Variants in DAB1 observed in about 807,000 individuals in gnomAD.
DAB1 encodes the protein DAB adaptor protein 1, also known as disabled homolog 1.
DAB1 carries 15 observed loss-of-function variants against 64.6 expected under a neutral mutation model. The ratio of observed to expected loss-of-function variants is 0.23; its 90% CI spans 0.16 to 0.36. DAB1 has a LOEUF of 0.36. Ranked by LOEUF, DAB1 falls within the 10% of genes least tolerant of loss-of-function variation. The pLI is 1.00. For synonymous variants in DAB1, 235 were observed against 251.9 expected (o/e 0.93, Z 0.64); for missense variants, 596 against 706.7 (o/e 0.84, Z 1.78).
At chr1:58,506,090 T>C in exon 3 of DAB1, 1 of 871,736 alleles carries the variant, frequency 1.1e-6, no homozygotes, top group Non-Finnish European at 2.0e-6. Context: ...AGTACTCAAC[T>C]CGATTGCCAT....
rs1381274494 is a variant in DAB1 at position 58,318,189 on chromosome 1, T to C, written n.309+25163A>G. 2.0e-5 allele frequency among the ~76,000 whole-genome samples: 3 copies of C among 152,200 alleles called. No individual in the cohort carries two copies. The East Asian group carries it at 5.8e-4, about 29-fold the overall frequency. ...TGTGTCCAATTAAGCACCTCCTCAC[T>C]TCTCACCTCATGCTAACCGCACCTC... On this transcript the variant is annotated intron_variant and non_coding_transcript_variant, in intron 4 of 20. Transcript: ENST00000485760.
At chr1:58,448,291 G>A (rs1645093883) in intron 3 of DAB1, among the ~76,000 whole-genome samples, 1 of 152,162 alleles carries the variant, frequency 6.6e-6, no homozygotes. Flanking sequence ...CCAGAAGTTT[G>A]TGATTACTTG....
chr1:58,456,862 T>C (rs191752555), intron 3 of DAB1, among the ~76,000 whole-genome samples: 1 of 152,152 alleles, frequency 6.6e-6, no homozygotes, highest in African/African-American at 2.4e-5. Context: ...TGGTATTTTT[T>C]AAAAACATTC....
intron 4 of DAB1, among the ~76,000 whole-genome samples, chr1:58,281,927 C>T (rs1320736672): frequency 2.0e-5 from 3 of 152,094 alleles, no homozygotes; most frequent in African/African-American, 2.4e-5. Context: ...CCACTACCAC[C>T]GCCATCATCA....
At chr1:57,915,421 T>G (rs1644711672) in intron 5 of DAB1, among the ~76,000 whole-genome samples, 1 of 152,166 alleles carries the variant, frequency 6.6e-6, no homozygotes, top group Non-Finnish European at 1.5e-5. Context: ...GGGCTATTCC[T>G]CCATCATTAC....
chr1:57,584,024 C>T (rs1016726719), intron 7 of DAB1, among the ~76,000 whole-genome samples: 1 of 152,158 alleles, frequency 6.6e-6, no homozygotes, highest in African/African-American at 2.4e-5. Flanking sequence ...CGAACTGCAA[C>T]CTAGCTTAAT....
At chr1:58,301,475 T>C (rs779244777) in intron 4 of DAB1, among the ~76,000 whole-genome samples, 2 of 150,886 alleles carry the variant, frequency 1.3e-5, no homozygotes, top group African/African-American at 2.5e-5. Context: ...TCTTAGAACA[T>C]TGTGAGATTA....
At chr1:57,982,697 G>A (rs758202516) in intron 5 of DAB1, among the ~76,000 whole-genome samples, 3 of 152,064 alleles carry the variant, frequency 2.0e-5, no homozygotes, top group Non-Finnish European at 2.9e-5. Context: ...TAACTAAGTC[G>A]GATGATTCCT....
chr1:57,676,140 G>A (rs1469726405), intron 6 of DAB1, among the ~76,000 whole-genome samples: 2 of 152,198 alleles, frequency 1.3e-5, no homozygotes, highest in Non-Finnish European at 2.9e-5. Flanking sequence ...CATAGGGCAG[G>A]GAGGCTTTGC....
chr1:58,401,693 G>C (rs1035328731), intron 3 of DAB1, among the ~76,000 whole-genome samples: 14 of 152,238 alleles, frequency 9.2e-5, no homozygotes, highest in African/African-American at 3.4e-4. Flanking sequence ...AAGGTTGATT[G>C]AATGAATGAA....
At chr1:57,121,045 G>A (rs773017544) in intron 4 of DAB1, among the ~76,000 whole-genome samples, 1 of 151,804 alleles carries the variant, frequency 6.6e-6, no homozygotes, top group Non-Finnish European at 1.5e-5. Context: ...GATAAAGGAA[G>A]GGGCAAAGAG....
intron 5 of DAB1, among the ~76,000 whole-genome samples, chr1:58,091,002 TCCA>T (rs1239516169): frequency 1.3e-5 from 2 of 152,158 alleles, no homozygotes; most frequent in Non-Finnish European, 2.9e-5. Context: ...GTGCTCCTCC[TCCA>T]CATCTCACAC....
At chr1:57,865,756 G>A (rs1557525649) in intron 1 of DAB1, among the ~76,000 whole-genome samples, 1 of 152,158 alleles carries the variant, frequency 6.6e-6, no homozygotes, top group African/African-American at 2.4e-5. Context: ...AGACTGCGTG[G>A]ATTCAAAGCA....
chr1:58,542,143 T>C (rs950381461), intron 1 of DAB1, among the ~76,000 whole-genome samples: 7 of 152,256 alleles, frequency 4.6e-5, no homozygotes, highest in Admixed American at 4.6e-4. Flanking sequence ...GCATGCTAAG[T>C]AAAACATTAA....
At chr1:58,181,605 T>A (rs1557685120) in intron 4 of DAB1, among the ~76,000 whole-genome samples, 1 of 152,134 alleles carries the variant, frequency 6.6e-6, no homozygotes, top group Non-Finnish European at 1.5e-5. Context: ...TGAGTTGTTT[T>A]CTTAATAAAT....
intron 1 of DAB1, among the ~76,000 whole-genome samples, chr1:57,339,178 CAG>C (rs1329682061): frequency 1.4e-5 from 2 of 145,552 alleles, no homozygotes; most frequent in Non-Finnish European, 3.0e-5. Flanking sequence ...TTTTTCGAGA[CAG>C]AGTCTCGCTC....
chr1:57,711,436 T>G (rs959614156), intron 6 of DAB1, among the ~76,000 whole-genome samples: 1 of 152,248 alleles, frequency 6.6e-6, no homozygotes, highest in Admixed American at 6.5e-5. Context: ...CTACTCTGGC[T>G]TCTTCCTGCT....
At chr1:57,060,606 A>G (rs1416794752) in intron 9 of DAB1, among the ~76,000 whole-genome samples, 1 of 152,214 alleles carries the variant, frequency 6.6e-6, no homozygotes, top group Admixed American at 6.5e-5. Flanking sequence ...GCACAAAGGC[A>G]GGAGTGATCT....
chr1:57,527,295 G>A (rs796525257), intron 7 of DAB1, among the ~76,000 whole-genome samples: 9 of 152,180 alleles, frequency 5.9e-5, no homozygotes, highest in African/African-American at 1.9e-4. Context: ...TGGGAATAAT[G>A]GTATCACACT....
Sources: allele counts gnomAD v4.1 joint callset (sites outside exome capture counted in the v4.1 genomes callset), GRCh38; gene constraint gnomAD v4.1.1; transcripts MANE v1.5; gene names NCBI Gene and HGNC (gene_info 2026-07-23, HGNC 2026-07-21).